RIMS1: variants seen among roughly 807,000 people sequenced by gnomAD.
RIMS1 encodes the protein regulating synaptic membrane exocytosis protein 1.
In RIMS1, 83 loss-of-function variants were observed where a neutral mutation model predicts 214.1. That is an observed-to-expected ratio of 0.39 (90% confidence interval 0.32 to 0.47). RIMS1 has a LOEUF of 0.47. RIMS1 is among the 20% of genes least tolerant of loss of function. The pLI is 0.99. For synonymous variants in RIMS1, 793 were observed against 786.8 expected (o/e 1.01, Z -0.13); for missense variants, 2,050 against 2,161.8 (o/e 0.95, Z 1.03).
chr6:72,200,107 C>G (rs2051676501), intron 6 of RIMS1, among the ~76,000 whole-genome samples: 1 of 151,978 alleles, frequency 6.6e-6, no homozygotes, highest in Non-Finnish European at 1.5e-5. Flanking sequence ...TGCAAGTAAC[C>G]AATTTTGGTG....
chr6:72,036,819 C>T (rs765738418), intron 2 of RIMS1, among the ~76,000 whole-genome samples: 8 of 152,092 alleles, frequency 5.3e-5, no homozygotes, highest in African/African-American at 9.7e-5. Flanking sequence ...AAAGTTGTCA[C>T]GCATGTAGAG....
intron 19 of RIMS1, chr6:72,262,143 A>G (rs1354234495): frequency 7.1e-6 from 7 of 982,744 alleles, no homozygotes; most frequent in Admixed American, 6.2e-5. Flanking sequence ...TTTCTAGGAT[A>G]CTCACACCAG....
rs111541661 is a variant in RIMS1, at chr6:72,201,987, T to C, written c.1678+18838T>C. The stretch of plus-strand genomic sequence containing the variant: ...GATACTACCTTCCGTATCATACTTA[T>C]TCATACCTCGTGGGGCATTTCTGAT... On this transcript the variant is annotated intron_variant, in intron 6 of 33. Coordinates refer to ENST00000521978, the MANE Select transcript of RIMS1 (RefSeq NM_014989.7). Among the ~76,000 whole-genome samples the C allele has an allele frequency of 5.3e-3, 801 of 152,356 alleles. 3 individuals carry two copies. Among genetic ancestry groups the C allele is most frequent in the Non-Finnish European group, 9.0e-3 (609 of 68,032 alleles).
intron 4 of RIMS1, among the ~76,000 whole-genome samples, chr6:72,108,880 GT>G (rs2035372531): frequency 8.1e-6 from 1 of 123,060 alleles, no homozygotes; most frequent in Non-Finnish European, 1.6e-5. Flanking sequence ...TCCCTAGAGT[GT>G]GATGTTCCCC....
intron 3 of RIMS1, 126 bp from the exon 4 acceptor site, chr6:72,099,849 G>A: frequency 1.4e-6 from 1 of 717,892 alleles, no homozygotes; most frequent in Non-Finnish European, 2.4e-6. Flanking sequence ...AAATAGTTGT[G>A]CTTTAATACT....
At chr6:72,249,006 C>T (rs1272442986) in intron 12 of RIMS1, among the ~76,000 whole-genome samples, 1 of 152,150 alleles carries the variant, frequency 6.6e-6, no homozygotes, top group African/African-American at 2.4e-5. Context: ...GAAACCCATT[C>T]TGGTTCTGTG....
chr6:71,989,023 C>G (rs1405280995), intron 2 of RIMS1, among the ~76,000 whole-genome samples: 1 of 152,096 alleles, frequency 6.6e-6, no homozygotes, highest in Non-Finnish European at 1.5e-5. Context: ...TTGCCAACAC[C>G]AGTTTGTAGC....
At chr6:72,135,792 A>G (rs573145378) in intron 4 of RIMS1, among the ~76,000 whole-genome samples, 1 of 152,280 alleles carries the variant, frequency 6.6e-6, no homozygotes, top group African/African-American at 2.4e-5. Flanking sequence ...CATTCTGCAC[A>G]TGTGTAAGAT....
chr6:72,209,684 G>A (rs1365277058), intron 6 of RIMS1, among the ~76,000 whole-genome samples: 2 of 152,072 alleles, frequency 1.3e-5, no homozygotes, highest in Non-Finnish European at 2.9e-5. Context: ...GATGGATCAC[G>A]AGGTTAGGAG....
intron 1 of RIMS1, among the ~76,000 whole-genome samples, chr6:71,951,492 T>TTTTG (rs1162341760): frequency 4.5e-4 from 53 of 117,490 alleles, no homozygotes; most frequent in South Asian, 1.1e-3. Context: ...TTTTTTTTTT[T>TTTTG]TGTGTGTGTG....
intron 2 of RIMS1, among the ~76,000 whole-genome samples, chr6:72,004,100 C>A (rs111649508): frequency 0.094 from 13,723 of 145,426 alleles, 766 homozygotes; most frequent in Non-Finnish European, 0.13. Flanking sequence ...ATTCCCACCT[C>A]TGAGTGAGAA....
chr6:72,201,373 A>T (rs925474798), intron 6 of RIMS1, among the ~76,000 whole-genome samples: 10 of 152,236 alleles, frequency 6.6e-5, no homozygotes, highest in Admixed American at 1.3e-4. Context: ...GATATTGAAG[A>T]TTTCAGTATC....
chr6:71,919,237 AG>A (rs1779289647), intron 1 of RIMS1, among the ~76,000 whole-genome samples: 1 of 152,118 alleles, frequency 6.6e-6, no homozygotes, highest in Non-Finnish European at 1.5e-5. Flanking sequence ...GGGGAGAGAT[AG>A]GTGGGAAAAA....
At chr6:72,046,948 A>T (rs1404296589) in intron 2 of RIMS1, among the ~76,000 whole-genome samples, 3 of 152,288 alleles carry the variant, frequency 2.0e-5, no homozygotes, top group Admixed American at 2.0e-4. Flanking sequence ...ATTTGAAGTC[A>T]TATGACTCAG....
chr6:72,069,242 C>G (rs1243745059), intron 2 of RIMS1, among the ~76,000 whole-genome samples: 1 of 152,162 alleles, frequency 6.6e-6, no homozygotes, highest in Non-Finnish European at 1.5e-5. Context: ...GCCAGTGGCA[C>G]CTAGGTGCTT....
At chr6:72,052,883 A>G (rs1825110246) in intron 2 of RIMS1, among the ~76,000 whole-genome samples, 1 of 152,178 alleles carries the variant, frequency 6.6e-6, no homozygotes, top group Admixed American at 6.5e-5. Context: ...GGGAAAGCAC[A>G]AAGGTTGTAT....
chr6:72,315,322 C>T (rs1395594881), intron 28 of RIMS1, among the ~76,000 whole-genome samples: 1 of 152,170 alleles, frequency 6.6e-6, no homozygotes, highest in Non-Finnish European at 1.5e-5. Context: ...TATAAATAAA[C>T]TTCTTAGTGA....
At chr6:72,124,006 C>A (rs1336494458) in intron 4 of RIMS1, among the ~76,000 whole-genome samples, 1 of 151,764 alleles carries the variant, frequency 6.6e-6, no homozygotes, top group African/African-American at 2.4e-5. Context: ...TGAATTTGAT[C>A]CTGTCATTAT....
chr6:72,270,270 C>T lies in RIMS1; in HGVS notation c.3399-4079C>T, dbSNP rs572548193. Among the ~76,000 whole-genome samples, 313 of 151,614 alleles carry T rather than the reference C, an allele frequency of 2.1e-3. 4 individuals carry two copies. The highest frequency in any genetic ancestry group is 7.0e-3 in the African/African-American group (286 of 41,084). On this transcript the variant is annotated intron_variant, in intron 22 of 33. Transcript: ENST00000521978. ...AAAATAAGTTAAATTTAGTTTAAAACAATATTGGGGGAAAAATATTTAAGG... is the reference window on the plus strand; with the variant it reads ...AAAATAAGTTAAATTTAGTTTAAAATAATATTGGGGGAAAAATATTTAAGG...
Sources: gnomAD v4.1 joint callset for allele counts (sites outside exome capture counted in the v4.1 genomes callset) on GRCh38, gnomAD v4.1.1 for gene constraint, MANE v1.5 for transcripts, NCBI Gene and HGNC (gene_info 2026-07-23, HGNC 2026-07-21) for gene names.